Variants in BTBD1 observed in about 807,000 individuals in gnomAD.
The protein encoded by BTBD1 is BTB/POZ domain-containing protein 1.
Under a neutral mutation model 48.0 loss-of-function variants are expected in BTBD1, and 34 were observed. The observed-to-expected ratio is 0.71, with a 90% CI of 0.54 to 0.94. The LOEUF (loss-of-function observed/expected upper bound fraction) is 0.94, where lower values mean the gene tolerates loss of function less well. Among genes scored for constraint, BTBD1 ranks in the 40% least tolerant of loss-of-function variants. The pLI is 0.00. For synonymous variants in BTBD1, 261 were observed against 242.1 expected (o/e 1.08, Z -0.72); for missense variants, 543 against 625.6 (o/e 0.87, Z 1.41).
intron 1 of BTBD1, among the ~76,000 whole-genome samples, chr15:83,059,403 G>A (rs573212930): frequency 5.3e-5 from 8 of 152,092 alleles, no homozygotes; most frequent in Non-Finnish European, 7.4e-5. Flanking sequence ...AAAATTAGCC[G>A]GCATGGTGGC....
At chr15:83,022,515 T>C (rs2032321169) in intron 5 of BTBD1, 2 of 150,966 alleles carry the variant, frequency 1.3e-5, no homozygotes, top group African/African-American at 4.9e-5. Context: ...CTACTAAAAA[T>C]ACAAAATTAG....
At chr15:83,048,687 G>A (rs999647142) in intron 3 of BTBD1, among the ~76,000 whole-genome samples, 2 of 152,148 alleles carry the variant, frequency 1.3e-5, no homozygotes, top group African/African-American at 4.8e-5. Flanking sequence ...AGTGTCTAAC[G>A]AAAGCAATTT....
At chr15:83,055,484 T>C (rs894126299) in intron 2 of BTBD1, among the ~76,000 whole-genome samples, 20 of 152,110 alleles carry the variant, frequency 1.3e-4, no homozygotes, top group South Asian at 2.1e-4. Flanking sequence ...TCTCTAACTA[T>C]TGGCCTCAAG....
intron 1 of BTBD1, among the ~76,000 whole-genome samples, chr15:83,066,207 G>C (rs1409716546): frequency 6.6e-6 from 1 of 152,046 alleles, no homozygotes; most frequent in Admixed American, 6.5e-5. Flanking sequence ...GCTGAGGTCG[G>C]AGCATCACCT....
intron 2 of BTBD1, among the ~76,000 whole-genome samples, chr15:83,053,952 T>G (rs1002209013): frequency 1.2e-4 from 18 of 152,270 alleles, no homozygotes; most frequent in African/African-American, 4.3e-4. Flanking sequence ...CAACTATCGA[T>G]TTTAGGTGAG....
intron 1 of BTBD1, chr15:83,061,344 C>T (rs192627324): frequency 1.2e-3 from 185 of 152,308 alleles, no homozygotes; most frequent in African/African-American, 4.4e-3. Flanking sequence ...CATTATGCAG[C>T]ACGCAACTAT....
At chr15:83,060,823 T>A (rs1476315097) in intron 1 of BTBD1, among the ~76,000 whole-genome samples, 1 of 152,060 alleles carries the variant, frequency 6.6e-6, no homozygotes, top group African/African-American at 2.4e-5. Flanking sequence ...ATAAAGTAAA[T>A]TTTAAAAGCC....
chr15:83,037,050 A>T (rs1447195753), intron 4 of BTBD1, among the ~76,000 whole-genome samples: 1 of 152,188 alleles, frequency 6.6e-6, no homozygotes, highest in Non-Finnish European at 1.5e-5. Context: ...ATTTAAAAAA[A>T]ACCCAAACAC....
At chr15:83,040,013 ACACG>A (rs57167274) in intron 4 of BTBD1, among the ~76,000 whole-genome samples, 1,623 of 149,748 alleles carry the variant, frequency 0.011, 25 homozygotes, top group African/African-American at 0.039. Context: ...ACACACACAC[ACACG>A]GACACACACA....
intron 5 of BTBD1, among the ~76,000 whole-genome samples, chr15:83,028,349 TA>T (rs2032452026): frequency 6.6e-6 from 1 of 152,216 alleles, no homozygotes; most frequent in Admixed American, 6.5e-5. Flanking sequence ...AGAATTATAC[TA>T]ATACATTTCC....
chr15:83,041,196 T>A (rs1265019130), intron 4 of BTBD1, among the ~76,000 whole-genome samples: 2 of 149,810 alleles, frequency 1.3e-5, no homozygotes, highest in Non-Finnish European at 3.0e-5. Context: ...AAAAGATCTG[T>A]CATAACCTGG....
At chr15:83,041,632 C>A in intron 4 of BTBD1, 96 bp downstream of exon 4, 1 of 1,162,594 alleles carries the variant, frequency 8.6e-7, no homozygotes, top group Non-Finnish European at 1.3e-6. Flanking sequence ...CTTGGCCTCT[C>A]GAAAGTGCTG....
Position 83,066,933 on chromosome 15 carries a change from G to A in BTBD1, c.219C>T (p.Phe73=), listed in dbSNP as rs1381118218. ...FNSELLSDVR[F]VLGKGRGAAA... The stretch of plus-strand genomic sequence containing the variant: ...CGGCGCCGCGACCCTTGCCCAGTAC[G>A]AAGCGCACATCGCTCAGCAGCTCCG... The change falls in exon 1 of 8, where the codon TTC becomes TTT. Residue 73 remains phenylalanine, a synonymous_variant. Transcript: ENST00000261721. The A allele has an allele frequency of 3.2e-6, 5 of 1,570,140 alleles. No homozygotes were observed. The Admixed American group carries it at 5.5e-5, about 17-fold the overall frequency.
Position 83,018,751 on chromosome 15 carries a change from C to T in BTBD1, c.1246G>A (p.Glu416Lys). ...TFRVMFKEPI[E>K]ILPNVCYTAC... ...GTGTAGCACACATTGGGCAGGATCT[C>T]TATGGGTTCCTTGAACATGACCCTG... Residue 416 changes from glutamate to lysine, a missense_variant, in exon 7 of 8, where the codon GAG becomes AAG. Coordinates refer to ENST00000261721, the MANE Select transcript of BTBD1 (RefSeq NM_025238.4). 1 of 1,614,118 alleles carries T rather than the reference C, an allele frequency of 6.2e-7. No homozygotes were observed. Among genetic ancestry groups the T allele is most frequent in the East Asian group, 2.2e-5 (1 of 44,870 alleles).
intron 4 of BTBD1, among the ~76,000 whole-genome samples, chr15:83,034,078 C>A (rs2032577611): frequency 1.6e-5 from 2 of 124,154 alleles, no homozygotes; most frequent in African/African-American, 3.1e-5. Flanking sequence ...ACAGAGGAGA[C>A]ACTGTCTACA....
intron 5 of BTBD1, among the ~76,000 whole-genome samples, chr15:83,028,463 T>C (rs566342716): frequency 6.6e-6 from 1 of 152,308 alleles, no homozygotes; most frequent in South Asian, 2.1e-4. Context: ...TACACAAAAT[T>C]TCTTCTTTAT....
chr15:83,042,694 T>A (rs1243110514), intron 3 of BTBD1, among the ~76,000 whole-genome samples: 1 of 152,174 alleles, frequency 6.6e-6, no homozygotes, highest in Non-Finnish European at 1.5e-5. Flanking sequence ...AGCACTGATA[T>A]ATCACTGAAC....
At chr15:83,059,414 G>A (rs1293288300) in intron 1 of BTBD1, among the ~76,000 whole-genome samples, 2 of 151,944 alleles carry the variant, frequency 1.3e-5, no homozygotes, top group East Asian at 1.9e-4. Context: ...GCATGGTGGC[G>A]GGCGCCTGTA....
chr15:83,032,967 C>T (rs1312985205), intron 4 of BTBD1, among the ~76,000 whole-genome samples: 2 of 43,644 alleles, frequency 4.6e-5, no homozygotes, highest in African/African-American at 4.8e-4. Context: ...CTTACTCTGT[C>T]TCAAAAAAAA....
Sources: allele counts gnomAD v4.1 joint callset (sites outside exome capture counted in the v4.1 genomes callset), GRCh38; gene constraint gnomAD v4.1.1; transcripts MANE v1.5; gene names NCBI Gene and HGNC (gene_info 2026-07-23, HGNC 2026-07-21).